DTNB: variants seen among roughly 807,000 people sequenced by gnomAD.
DTNB encodes dystrobrevin beta.
Under a neutral mutation model 90.7 loss-of-function variants are expected in DTNB, and 63 were observed. The ratio of observed to expected loss-of-function variants is 0.69; its 90% CI spans 0.57 to 0.86. The LOEUF is 0.86. Ranked by LOEUF, DTNB falls within the 40% of genes least tolerant of loss-of-function variation. The pLI, the probability that DTNB is intolerant of heterozygous loss-of-function variation, is 0.00. For synonymous variants in DTNB, 277 were observed against 286.7 expected (o/e 0.97, Z 0.34); for missense variants, 744 against 807.1 (o/e 0.92, Z 0.95).
Position 25,580,801 on chromosome 2 carries a change from A to C in DTNB, c.629T>G (p.Leu210Ter). The change falls in exon 7 of 21, where the codon TTA becomes TGA. Residue 210 changes from leucine to a stop codon, truncating the protein, a stop_gained. Transcript: ENST00000406818. LOFTEE classifies it high-confidence loss of function. The stretch of plus-strand genomic sequence containing the variant: ...AGGAGGGTCAGCCATCATTGTGTCT[A>C]AAAACATATTTAGCATTATCTTTCT... ...QQRKIMLNMF[L>*]DTMMADPPPQ... The C allele has an allele frequency of 6.2e-7, 1 of 1,613,254 alleles. No homozygotes were observed. The highest frequency in any genetic ancestry group is 8.5e-7 in the Non-Finnish European group (1 of 1,179,380).
intron 12 of DTNB, among the ~76,000 whole-genome samples, chr2:25,449,035 A>G (rs2058860544): frequency 6.6e-6 from 1 of 152,098 alleles, no homozygotes; most frequent in Non-Finnish European, 1.5e-5. Flanking sequence ...GGAGTTGATG[A>G]TTAACTTATG....
chr2:25,512,710 G>C (rs895475940), intron 9 of DTNB, among the ~76,000 whole-genome samples: 9 of 152,194 alleles, frequency 5.9e-5, no homozygotes, highest in African/African-American at 2.2e-4. Context: ...CTGGACTCCA[G>C]GATATAGAAA....
intron 4 of DTNB, among the ~76,000 whole-genome samples, chr2:25,621,540 G>A (rs897108822): frequency 8.1e-5 from 12 of 148,642 alleles, no homozygotes; most frequent in African/African-American, 3.0e-4. Flanking sequence ...TCCGCCTCCC[G>A]GGTTCAAGCG....
At chr2:25,403,025 T>C (rs1011696090) in intron 16 of DTNB, among the ~76,000 whole-genome samples, 1 of 152,216 alleles carries the variant, frequency 6.6e-6, no homozygotes, top group Non-Finnish European at 1.5e-5. Flanking sequence ...AGTAAACTTT[T>C]AGATAGAGAA....
At chr2:25,601,463 T>G (rs1025484305) in intron 5 of DTNB, among the ~76,000 whole-genome samples, 2 of 152,196 alleles carry the variant, frequency 1.3e-5, no homozygotes, top group African/African-American at 4.8e-5. Flanking sequence ...ATATCTTTTG[T>G]GTAATAAGCA....
intron 1 of DTNB, among the ~76,000 whole-genome samples, chr2:25,665,591 A>G (rs1574238530): frequency 6.6e-6 from 1 of 151,858 alleles, no homozygotes; most frequent in South Asian, 2.1e-4. Flanking sequence ...GTGCCACTGC[A>G]CTCCAGCCTG....
At chr2:25,567,980 G>A (rs2059284297) in intron 8 of DTNB, among the ~76,000 whole-genome samples, 1 of 152,132 alleles carries the variant, frequency 6.6e-6, no homozygotes, top group Non-Finnish European at 1.5e-5. Flanking sequence ...CCAACATGGT[G>A]AAACCGCATC....
chr2:25,658,261 AAAAAAAAAAAG>A (rs1315491116), intron 1 of DTNB, among the ~76,000 whole-genome samples: 1 of 151,924 alleles, frequency 6.6e-6, no homozygotes. Flanking sequence ...CATCTCAAAA[AAAAAAAAAAAG>A]AAAAAAAAAT....
At chr2:25,668,602 A>G (rs1347607844) in intron 1 of DTNB, among the ~76,000 whole-genome samples, 1 of 152,286 alleles carries the variant, frequency 6.6e-6, no homozygotes, top group African/African-American at 2.4e-5. Flanking sequence ...TTTATCAATT[A>G]TAATAAATGT....
At chr2:25,484,988 T>C (rs933878476) in intron 9 of DTNB, among the ~76,000 whole-genome samples, 3 of 152,182 alleles carry the variant, frequency 2.0e-5, no homozygotes, top group African/African-American at 7.2e-5. Flanking sequence ...ATATCAATTG[T>C]CCAACTGAAA....
intron 8 of DTNB, among the ~76,000 whole-genome samples, chr2:25,535,538 CG>C: frequency 6.8e-6 from 1 of 145,986 alleles, no homozygotes; most frequent in East Asian, 2.1e-4. Context: ...ACGGGGCGGC[CG>C]GGCAGAGGCG....
At position 25,554,688 on chromosome 2, in the gene DTNB, A is replaced by G. The variant is rs1424795291; in HGVS notation, c.876+22150T>C. Reference sequence around the variant, plus strand: ...AAATGTCAATCAATAGGAGGATAACAGGTGTGGATTCTATATGGCACTGAA... The same window carrying G: ...AAATGTCAATCAATAGGAGGATAACGGGTGTGGATTCTATATGGCACTGAA... On this transcript the variant is annotated intron_variant, in intron 8 of 20. Coordinates refer to ENST00000406818, the MANE Select transcript of DTNB (RefSeq NM_021907.5). Among the ~76,000 whole-genome samples, 6 of 152,222 alleles carry G rather than the reference A, an allele frequency of 3.9e-5. No homozygotes were observed. In the East Asian group the frequency reaches 1.2e-3, roughly 29 times the overall value.
At chr2:25,602,161 A>G (rs2066032414) in intron 5 of DTNB, among the ~76,000 whole-genome samples, 1 of 152,086 alleles carries the variant, frequency 6.6e-6, no homozygotes, top group East Asian at 1.9e-4. Flanking sequence ...AAACTTATTA[A>G]TATGCCACAT....
At chr2:25,514,102 C>G (rs555491270) in intron 9 of DTNB, among the ~76,000 whole-genome samples, 25 of 151,624 alleles carry the variant, frequency 1.6e-4, no homozygotes, top group Non-Finnish European at 3.4e-4. Context: ...CATATAATGG[C>G]AAGTGTCATG....
At chr2:25,658,165 G>A (rs540691859) in intron 1 of DTNB, among the ~76,000 whole-genome samples, 3 of 151,606 alleles carry the variant, frequency 2.0e-5, no homozygotes, top group African/African-American at 4.9e-5. Context: ...GCTGAGGCAG[G>A]AGAATTGGTT....
At chr2:25,607,783 T>C (rs1381062980) in intron 4 of DTNB, among the ~76,000 whole-genome samples, 2 of 152,234 alleles carry the variant, frequency 1.3e-5, no homozygotes, top group African/African-American at 4.8e-5. Flanking sequence ...GAAGATTTTA[T>C]AGTACATTCA....
intron 16 of DTNB, among the ~76,000 whole-genome samples, chr2:25,396,731 TA>T (rs35592591): frequency 0.27 from 23,658 of 87,614 alleles, 2,342 homozygotes; most frequent in Non-Finnish European, 0.31. Context: ...TAAAAGGAAC[TA>T]AAAAAAAAAA....
At chr2:25,483,006 G>A (rs570142920) in intron 9 of DTNB, 133 bp from the exon 10 acceptor site, 2 of 924,166 alleles carry the variant, frequency 2.2e-6, no homozygotes, top group East Asian at 6.5e-5. Flanking sequence ...ATGGGGAGGG[G>A]GGGGACCCAT....
Position 25,628,369 on chromosome 2 carries a change from A to G in DTNB, c.164T>C (p.Ile55Thr), listed in dbSNP as rs1459661294. 6.2e-7 allele frequency: 1 copy of G among 1,613,196 alleles called. No individual in the cohort carries two copies. The highest frequency in any genetic ancestry group is 8.5e-7 in the Non-Finnish European group (1 of 1,179,692). Residue 55 changes from isoleucine to threonine, a missense_variant, in exon 4 of 21, where the codon ATC becomes ACC. Transcript: ENST00000406818. ...TCGGAAGGCTTCAATCATGTTCCAG[A>G]TATCAACAAGATGAACTAAAAGACA... ...QKRCNLHLVD[I>T]WNMIEAFRDN...
Sources: allele counts gnomAD v4.1 joint callset (sites outside exome capture counted in the v4.1 genomes callset), GRCh38; gene constraint gnomAD v4.1.1; transcripts MANE v1.5; gene names NCBI Gene and HGNC (gene_info 2026-07-23, HGNC 2026-07-21).